The following GABRB2 variants were observed in gnomAD, a reference collection of about 807,000 sequenced individuals.
The protein encoded by GABRB2 is gamma-aminobutyric acid type A receptor subunit beta2.
In GABRB2, 16 loss-of-function variants were observed where a neutral mutation model predicts 54.7. The observed-to-expected ratio is 0.29, with a 90% CI of 0.20 to 0.44. GABRB2 has a LOEUF of 0.44. Among genes scored for constraint, GABRB2 ranks in the 20% least tolerant of loss-of-function variants. The probability of loss-of-function intolerance (pLI) is 1.00; values close to 1 mark genes in which losing one functional copy is unlikely to be tolerated. For synonymous variants in GABRB2, 244 were observed against 233.8 expected, an observed-to-expected ratio of 1.04 and a Z score of -0.40; for missense variants, 355 against 644.0, an observed-to-expected ratio of 0.55 and a Z score of 4.86.
intron 6 of GABRB2, among the ~76,000 whole-genome samples, chr5:161,335,954 AG>A (rs1174049214): frequency 2.0e-5 from 3 of 152,148 alleles, no homozygotes; most frequent in Non-Finnish European, 4.4e-5. Context: ...AATATAAAGA[AG>A]GATATCCCTG....
intron 6 of GABRB2, 94 bp from the exon 7 acceptor site, chr5:161,334,998 TCA>T: frequency 7.9e-7 from 1 of 1,263,718 alleles, no homozygotes; most frequent in South Asian, 1.4e-5. Context: ...TTCTCTCAGT[TCA>T]GTTTTAGCTC....
chr5:161,370,972 T>A (rs981453317), intron 5 of GABRB2, among the ~76,000 whole-genome samples: 1 of 152,180 alleles, frequency 6.6e-6, no homozygotes, highest in Non-Finnish European at 1.5e-5. Context: ...TTTCAAAAAA[T>A]CATGTAGCAG....
chr5:161,466,081 G>GT (rs1293087744), intron 3 of GABRB2, among the ~76,000 whole-genome samples: 2 of 151,792 alleles, frequency 1.3e-5, no homozygotes, highest in East Asian at 1.9e-4. Flanking sequence ...GTAGCAGTCA[G>GT]TTTTTTTTGT....
At chr5:161,464,580 C>A (rs1758222188) in intron 3 of GABRB2, among the ~76,000 whole-genome samples, 2 of 152,142 alleles carry the variant, frequency 1.3e-5, no homozygotes, top group East Asian at 3.9e-4. Context: ...ACCTAGCAAT[C>A]CCACTCCTTT....
At chr5:161,484,853 G>C (rs1758870032) in intron 3 of GABRB2, among the ~76,000 whole-genome samples, 2 of 151,792 alleles carry the variant, frequency 1.3e-5, no homozygotes, top group South Asian at 4.2e-4. Flanking sequence ...AGGCAGTTTT[G>C]GCCACTGCAT....
At chr5:161,355,186 T>A (rs1754577483) in intron 5 of GABRB2, among the ~76,000 whole-genome samples, 1 of 151,604 alleles carries the variant, frequency 6.6e-6, no homozygotes, top group African/African-American at 2.4e-5. Context: ...GAAATAATAT[T>A]CTCTACTAAT....
At chr5:161,434,823 T>G (rs1216578023) in intron 4 of GABRB2, among the ~76,000 whole-genome samples, 1 of 152,204 alleles carries the variant, frequency 6.6e-6, no homozygotes, top group Non-Finnish European at 1.5e-5. Flanking sequence ...ATTTTACAAA[T>G]GAGGCCACAG....
intron 3 of GABRB2, among the ~76,000 whole-genome samples, chr5:161,514,766 T>C (rs913442188): frequency 4.6e-5 from 7 of 152,204 alleles, no homozygotes; most frequent in African/African-American, 1.4e-4. Flanking sequence ...AATGTCTACA[T>C]ACCACTCGAA....
At chr5:161,514,578 CGT>C (rs145160394) in intron 3 of GABRB2, among the ~76,000 whole-genome samples, 114 of 150,474 alleles carry the variant, frequency 7.6e-4, no homozygotes, top group Middle Eastern at 3.4e-3. Context: ...AGTATATATA[CGT>C]GTGTGTGTGT....
chr5:161,407,690 G>A (rs1309285420), intron 5 of GABRB2, among the ~76,000 whole-genome samples: 1 of 152,034 alleles, frequency 6.6e-6, no homozygotes, highest in East Asian at 1.9e-4. Flanking sequence ...GTTTCAGAGA[G>A]AGATATAAAC....
At chr5:161,400,956 AG>A (rs1756168263) in intron 5 of GABRB2, among the ~76,000 whole-genome samples, 1 of 152,096 alleles carries the variant, frequency 6.6e-6, no homozygotes, top group African/African-American at 2.4e-5. Flanking sequence ...AAAATGTAAT[AG>A]GGGGTGTAGG....
intron 3 of GABRB2, among the ~76,000 whole-genome samples, chr5:161,523,394 A>C (rs1435743380): frequency 6.6e-6 from 1 of 151,480 alleles, no homozygotes; most frequent in African/African-American, 2.4e-5. Context: ...TTGTTCTTTA[A>C]ATACATTTCA....
intron 5 of GABRB2, among the ~76,000 whole-genome samples, chr5:161,345,049 T>G (rs1754280653): frequency 6.6e-6 from 1 of 151,852 alleles, no homozygotes; most frequent in Admixed American, 6.6e-5. Context: ...TGTCTGGGGC[T>G]GGGGGCTAGG....
At chr5:161,543,351 A>G (rs952504525) in intron 3 of GABRB2, among the ~76,000 whole-genome samples, 2 of 152,232 alleles carry the variant, frequency 1.3e-5, no homozygotes, top group South Asian at 2.1e-4. Context: ...AAAAATAAAA[A>G]TTCTACCACT....
Position 161,501,969 on chromosome 5 carries a change from ATTACT to A in GABRB2, c.238-42130_238-42126del, listed in dbSNP as rs1288951260. Among the ~76,000 whole-genome samples, 17 of 148,534 alleles carry A rather than the reference ATTACT, an allele frequency of 1.1e-4. No individual in the cohort carries two copies. The East Asian group carries it at 2.0e-3, about 17-fold the overall frequency. ...AATATGTAAAGTAAATATAATATAAATTACTTTACACATTTTAAATTATAATTACT... is the reference window on the plus strand; with the variant it reads ...AATATGTAAAGTAAATATAATATAAATTACACATTTTAAATTATAATTACT... On this transcript the variant is annotated intron_variant, in intron 3 of 9. Coordinates refer to ENST00000393959, the MANE Select transcript of GABRB2 (RefSeq NM_001371727.1).
chr5:161,463,555 T>TAGATATA (rs1236064276), intron 3 of GABRB2, among the ~76,000 whole-genome samples: 35 of 23,702 alleles, frequency 1.5e-3, no homozygotes, highest in African/African-American at 5.5e-3. Flanking sequence ...ATATTTTTAT[T>TAGATATA]TATATATATA....
At chr5:161,476,911 C>T (rs761220766) in intron 3 of GABRB2, among the ~76,000 whole-genome samples, 2 of 151,804 alleles carry the variant, frequency 1.3e-5, no homozygotes, top group Non-Finnish European at 2.9e-5. Context: ...CCAATAGCTT[C>T]AGCAACAATA....
At chr5:161,499,991 A>C (rs1329322754) in intron 3 of GABRB2, among the ~76,000 whole-genome samples, 1 of 152,216 alleles carries the variant, frequency 6.6e-6, no homozygotes, top group African/African-American at 2.4e-5. Flanking sequence ...AAAAACAATA[A>C]AACAAGCCAA....
intron 4 of GABRB2, among the ~76,000 whole-genome samples, chr5:161,449,115 G>T (rs560140896): frequency 6.6e-6 from 1 of 152,258 alleles, no homozygotes; most frequent in Admixed American, 6.5e-5. Flanking sequence ...TTTCTCAAGA[G>T]TCTTTTGCAT....
Sources: allele counts gnomAD v4.1 joint callset (sites outside exome capture counted in the v4.1 genomes callset), GRCh38; gene constraint gnomAD v4.1.1; transcripts MANE v1.5; gene names NCBI Gene and HGNC (gene_info 2026-07-23, HGNC 2026-07-21).